The following DOCK2 variants were observed in gnomAD, a reference collection of about 807,000 sequenced individuals.
DOCK2 encodes the protein dedicator of cytokinesis protein 2.
DOCK2 carries 87 observed loss-of-function variants against 248.9 expected under a neutral mutation model. The observed-to-expected ratio is 0.35, with a 90% confidence interval of 0.29 to 0.42. The LOEUF (loss-of-function observed/expected upper bound fraction) is 0.42, where lower values mean the gene tolerates loss of function less well. Among genes scored for constraint, DOCK2 ranks in the 10% least tolerant of loss-of-function variants. The pLI, the probability that DOCK2 is intolerant of heterozygous loss-of-function variation, is 1.00. For synonymous variants in DOCK2, 805 were observed against 821.6 expected (o/e 0.98, Z 0.35); for missense variants, 1,747 against 2,300.2 (o/e 0.76, Z 4.92).
At chr5:169,948,824 T>A (rs1414602261) in intron 27 of DOCK2, among the ~76,000 whole-genome samples, 1 of 151,818 alleles carries the variant, frequency 6.6e-6, no homozygotes, top group Non-Finnish European at 1.5e-5. Context: ...CTCAGGATGG[T>A]TTGTCTCTTT....
chr5:169,817,549 T>C (rs1317065208), intron 26 of DOCK2, among the ~76,000 whole-genome samples: 1 of 152,232 alleles, frequency 6.6e-6, no homozygotes, highest in Non-Finnish European at 1.5e-5. Context: ...CACTCCCTGG[T>C]TAACACTCCT....
At chr5:169,831,123 C>T (rs916534925) in intron 26 of DOCK2, among the ~76,000 whole-genome samples, 3 of 152,118 alleles carry the variant, frequency 2.0e-5, no homozygotes, top group African/African-American at 7.2e-5. Flanking sequence ...TTTAACCTCA[C>T]ATCTGTCCCT....
At chr5:169,739,911 GAGAT>G (rs762899618) in intron 22 of DOCK2, among the ~76,000 whole-genome samples, 6 of 152,344 alleles carry the variant, frequency 3.9e-5, no homozygotes, top group Admixed American at 2.0e-4. Context: ...GAAAGAAAGA[GAGAT>G]AGAGAGTGTG....
At chr5:170,021,276 G>A (rs1755716384) in intron 33 of DOCK2, among the ~76,000 whole-genome samples, 1 of 152,162 alleles carries the variant, frequency 6.6e-6, no homozygotes, top group South Asian at 2.1e-4. Context: ...TTTTAAGTGG[G>A]AGCAAGGTCT....
At chr5:170,039,553 G>A (rs1178203878) in intron 36 of DOCK2, among the ~76,000 whole-genome samples, 1 of 152,198 alleles carries the variant, frequency 6.6e-6, no homozygotes, top group Non-Finnish European at 1.5e-5. Flanking sequence ...GGGCATCCCA[G>A]CACAGCAGCT....
intron 27 of DOCK2, chr5:169,884,230 G>A (rs1289886820): frequency 1.5e-5 from 3 of 197,778 alleles, no homozygotes; most frequent in East Asian, 1.2e-4. Context: ...AGGCTGGCAC[G>A]CGGTTCTGAT....
intron 27 of DOCK2, among the ~76,000 whole-genome samples, chr5:169,937,834 A>G (rs1280794066): frequency 6.6e-6 from 1 of 152,184 alleles, no homozygotes; most frequent in East Asian, 1.9e-4. Context: ...TTGGTCACTG[A>G]CAACACTGAA....
intron 23 of DOCK2, among the ~76,000 whole-genome samples, chr5:169,753,127 A>G (rs1763993616): frequency 6.6e-6 from 1 of 152,204 alleles, no homozygotes; most frequent in Non-Finnish European, 1.5e-5. Context: ...TTAAGTGTCA[A>G]GTGTTGAGCT....
intron 27 of DOCK2, among the ~76,000 whole-genome samples, chr5:169,931,540 G>A (rs1471755557): frequency 6.6e-6 from 1 of 152,228 alleles, no homozygotes; most frequent in Non-Finnish European, 1.5e-5. Flanking sequence ...TTGTTTTGGG[G>A]TGGGAGGTCA....
chr5:169,681,503 T>C (rs1363722378), intron 6 of DOCK2, among the ~76,000 whole-genome samples: 1 of 151,940 alleles, frequency 6.6e-6, no homozygotes, highest in Non-Finnish European at 1.5e-5. Flanking sequence ...GGTGTTTCAG[T>C]TTAATACCAT....
chr5:170,041,253 T>C (rs1756506422), intron 37 of DOCK2, 108 bp downstream of exon 37: 1 of 1,030,582 alleles, frequency 9.7e-7, no homozygotes, highest in Non-Finnish European at 1.5e-6. Context: ...AAATATTTTG[T>C]TTTGCCCTGT....
chr5:169,689,435 G>T, intron 9 of DOCK2, 102 bp downstream of exon 9: 1 of 1,228,848 alleles, frequency 8.1e-7, no homozygotes, highest in Non-Finnish European at 1.2e-6. Context: ...TGGCTGTCCT[G>T]CAGAGCTGTG....
At chr5:169,770,110 T>TTG (rs1765003290) in intron 25 of DOCK2, among the ~76,000 whole-genome samples, 1 of 152,006 alleles carries the variant, frequency 6.6e-6, no homozygotes, top group Non-Finnish European at 1.5e-5. Context: ...TCAAAATACA[T>TTG]CTTATTATTG....
chr5:169,656,812 GCCTTGCCAGTA>G (rs1215238879), intron 2 of DOCK2, among the ~76,000 whole-genome samples: 2 of 152,352 alleles, frequency 1.3e-5, no homozygotes, highest in South Asian at 4.1e-4. Flanking sequence ...CATAGTCAGA[GCCTTGCCAGTA>G]CCTTTCCCTG....
At chr5:169,645,056 G>T (rs1371007991) in intron 1 of DOCK2, among the ~76,000 whole-genome samples, 1 of 152,140 alleles carries the variant, frequency 6.6e-6, no homozygotes, top group East Asian at 1.9e-4. Context: ...ATGGGCATTT[G>T]GGTTGGTTCC....
At chr5:170,056,620 G>T in intron 42 of DOCK2, 64 bp from the exon 43 acceptor site, 2 of 1,383,952 alleles carry the variant, frequency 1.4e-6, no homozygotes, top group Non-Finnish European at 2.1e-6. Context: ...ACAGTGCAGG[G>T]TCAGATCGGG....
Position 169,699,346 on chromosome 5 carries a change from C to A in DOCK2, c.1056-36C>A, listed in dbSNP as rs182110863. 14 of 1,601,842 alleles carry A rather than the reference C, an allele frequency of 8.7e-6. No individual in the cohort carries two copies. The African/African-American group carries it at 1.7e-4, about 20-fold the overall frequency. On this transcript the variant is annotated intron_variant, in intron 11 of 51. Transcript: ENST00000520908. ...GACCCCTTGAAACGCAAGGAGGACACGATGTGGACATTTCATGCTCTCTTT... is the reference window on the plus strand; with the variant it reads ...GACCCCTTGAAACGCAAGGAGGACAAGATGTGGACATTTCATGCTCTCTTT...
intron 27 of DOCK2, among the ~76,000 whole-genome samples, chr5:169,970,005 A>G (rs183477896): frequency 2.4e-4 from 37 of 152,376 alleles, no homozygotes; most frequent in Admixed American, 1.9e-3. Flanking sequence ...TCTGTGGGCT[A>G]TGTGAGGCCT....
At chr5:169,658,613 G>A (rs1000059470) in intron 2 of DOCK2, among the ~76,000 whole-genome samples, 24 of 151,646 alleles carry the variant, frequency 1.6e-4, no homozygotes, top group African/African-American at 5.8e-4. Context: ...TAAACGAAGA[G>A]TTGACTGGAA....
Sources: allele counts gnomAD v4.1 joint callset (sites outside exome capture counted in the v4.1 genomes callset), GRCh38; gene constraint gnomAD v4.1.1; transcripts MANE v1.5; gene names NCBI Gene and HGNC (gene_info 2026-07-23, HGNC 2026-07-21).